Variants in RNF17 observed in about 807,000 individuals in gnomAD.
The protein encoded by RNF17 is spermatogenesis associated 23.
Under a neutral mutation model 200.5 loss-of-function variants are expected in RNF17, and 31 were observed. That is an observed-to-expected ratio of 0.15 (90% CI 0.12 to 0.21). The LOEUF (loss-of-function observed/expected upper bound fraction) is 0.21. RNF17 is among the 10% of genes least tolerant of loss of function. The probability of loss-of-function intolerance (pLI) is 1.00; values close to 1 mark genes in which losing one functional copy is unlikely to be tolerated. For synonymous variants in RNF17, 606 were observed against 637.8 expected (o/e 0.95, Z 0.75); for missense variants, 1,628 against 1,905.1 (o/e 0.85, Z 2.71).
At chr13:24,878,889 C>T (rs1221875891) in intron 34 of RNF17, among the ~76,000 whole-genome samples, 1 of 152,132 alleles carries the variant, frequency 6.6e-6, no homozygotes, top group African/African-American at 2.4e-5. Flanking sequence ...TCAGTTTATG[C>T]ATAAAGGTAT....
At chr13:24,827,066 A>C (rs910029295) in intron 16 of RNF17, among the ~76,000 whole-genome samples, 7 of 151,918 alleles carry the variant, frequency 4.6e-5, no homozygotes, top group African/African-American at 1.7e-4. Flanking sequence ...GTTTCAAGAA[A>C]AAAAAAAGAG....
At chr13:24,837,289 T>C (rs1371935402) in intron 18 of RNF17, among the ~76,000 whole-genome samples, 3 of 152,122 alleles carry the variant, frequency 2.0e-5, no homozygotes, top group Non-Finnish European at 4.4e-5. Context: ...GGGACTTCAA[T>C]ATTCCACTGA....
Position 24,842,094 on chromosome 13 carries a change from C to A in RNF17, c.2536C>A (p.Pro846Thr). The stretch of plus-strand genomic sequence containing the variant: ...TGAGCTTTTCGATTCTCTTGGTGCT[C>A]CTGAAATGACTACTACTAGTATTAA... ...LVELFDSLGA[P>T]EMTTTSINDQ... Residue 846 changes from proline to threonine, a missense_variant, in exon 19 of 36, where the codon CCT becomes ACT. Transcript: ENST00000255324. 6.2e-7 allele frequency: 1 copy of A among 1,610,636 alleles called. No homozygotes were observed. Among genetic ancestry groups the A allele is most frequent in the Non-Finnish European group, 8.5e-7 (1 of 1,177,530 alleles).
At chr13:24,850,998 T>C (rs1010502644) in intron 23 of RNF17, among the ~76,000 whole-genome samples, 7 of 152,196 alleles carry the variant, frequency 4.6e-5, no homozygotes, top group Middle Eastern at 3.2e-3. Context: ...TCTTCCATGC[T>C]GTTTGCTTTT....
intron 15 of RNF17, among the ~76,000 whole-genome samples, chr13:24,821,166 G>A (rs1483288663): frequency 2.0e-5 from 3 of 152,028 alleles, no homozygotes; most frequent in African/African-American, 4.8e-5. Context: ...TCTTCACATG[G>A]AGTTCTCCTT....
chr13:24,828,287 T>C (rs1287325393), intron 16 of RNF17, among the ~76,000 whole-genome samples: 1 of 152,074 alleles, frequency 6.6e-6, no homozygotes, highest in Non-Finnish European at 1.5e-5. Flanking sequence ...CTAATAGAAA[T>C]GTATGTGTGA....
Position 24,870,585 on chromosome 13 carries a change from T to G in RNF17, c.4293T>G (p.Leu1431=). ...TCCCCACTTAGGTGTATATTTGCCTTGATTCTATAGAAACTTCTAACCAGT... is the reference window on the plus strand; with the variant it reads ...TCCCCACTTAGGTGTATATTTGCCTGGATTCTATAGAAACTTCTAACCAGT... The part of the protein sequence containing the change: ...VVSPNEVYIC[L]DSIETSNQSN... Residue 1431 remains leucine (L), a synonymous_variant, in exon 32 of 36, where the codon CTT becomes CTG. Coordinates refer to ENST00000255324, the MANE Select transcript of RNF17 (RefSeq NM_031277.3). 1 of 1,612,938 alleles carries G rather than the reference T, an allele frequency of 6.2e-7. No homozygotes were observed. The highest frequency in any genetic ancestry group is 8.5e-7 in the Non-Finnish European group (1 of 1,179,542).
chr13:24,852,892 A>G (rs917145410), intron 24 of RNF17, among the ~76,000 whole-genome samples: 4 of 151,020 alleles, frequency 2.6e-5, no homozygotes, highest in South Asian at 2.1e-4. Context: ...TGGCTTTTTC[A>G]TAAATGCTTT....
chr13:24,800,132 A>C (rs764699444), intron 12 of RNF17, among the ~76,000 whole-genome samples: 1 of 151,794 alleles, frequency 6.6e-6, no homozygotes, highest in Non-Finnish European at 1.5e-5. Context: ...TTCAAACTGC[A>C]TGAGTATGTG....
At chr13:24,792,672 A>G (rs1884021268) in intron 9 of RNF17, among the ~76,000 whole-genome samples, 1 of 152,224 alleles carries the variant, frequency 6.6e-6, no homozygotes, top group Non-Finnish European at 1.5e-5. Flanking sequence ...GCAGATAAAC[A>G]TGCATCATTG....
At chr13:24,799,295 G>T (rs562178450) in intron 11 of RNF17, 100 bp from the exon 12 acceptor site, 2 of 866,980 alleles carry the variant, frequency 2.3e-6, no homozygotes, top group Non-Finnish European at 3.8e-6. Context: ...TTAAATAAAC[G>T]AATTAAGACT....
At chr13:24,866,291 C>A in intron 30 of RNF17, 88 bp downstream of exon 30, 1 of 707,898 alleles carries the variant, frequency 1.4e-6, no homozygotes, top group Non-Finnish European at 2.5e-6. Flanking sequence ...TCTTTTATAA[C>A]AGTTTTATTA....
chr13:24,873,810 C>T (rs9511489), intron 32 of RNF17, among the ~76,000 whole-genome samples: 6 of 152,000 alleles, frequency 3.9e-5, no homozygotes, highest in African/African-American at 1.2e-4. Context: ...TGAGAACATG[C>T]GATATTTGTC....
rs763825263 is a variant in RNF17 at position 24,778,261 on chromosome 13, C to CA, written c.318-28dup. ...TGGGTGACAGAGAAAGATCCTGTCA[C>CA]AAAAAATAAAATAATATACTTGATA... On this transcript the variant is annotated intron_variant, in intron 3 of 35. Transcript: ENST00000255324. 1.1e-5 allele frequency: 16 copies of CA among 1,432,852 alleles called. No individual in the cohort carries two copies. In the Admixed American group the frequency reaches 2.4e-4, roughly 22 times the overall value. 88.8% of individuals were successfully genotyped at this position (1,432,852 alleles called of 1,614,324 possible).
Position 24,853,922 on chromosome 13 carries a change from G to A in RNF17, c.3388G>A (p.Asp1130Asn), listed in dbSNP as rs780922096. The A allele has an allele frequency of 1.8e-5, 29 of 1,613,726 alleles. No individual in the cohort carries two copies. The highest frequency in any genetic ancestry group is 2.2e-5 in the Non-Finnish European group (26 of 1,179,806). ...KSLEVPLEQE[D>N]SVVTNCIKTN... ...TCTGGAAGTCCCCCTGGAACAGGAA[G>A]ATTCAGTAGTTACTAACTGTATTAA... Residue 1130 changes from aspartate (D) to asparagine (N), a missense_variant, in exon 25 of 36, where the codon GAT becomes AAT. Asp to Asn is a conservative substitution (Grantham distance 23). This residue lies in a region of RNF17 where 609 missense variants were observed against 681.9 expected (regional missense o/e 0.89). Transcript: ENST00000255324.
At chr13:24,800,626 A>C (rs978397056) in intron 13 of RNF17, 92 bp downstream of exon 13, 6 of 984,466 alleles carry the variant, frequency 6.1e-6, no homozygotes, top group African/African-American at 1.6e-5. Flanking sequence ...GGCTCAGGGA[A>C]CCAGTAATCT....
intron 15 of RNF17, among the ~76,000 whole-genome samples, chr13:24,819,635 ACTT>A (rs1887801316): frequency 1.3e-5 from 2 of 152,220 alleles, no homozygotes; most frequent in Admixed American, 6.5e-5. Context: ...ACAAAAAACT[ACTT>A]CTCTGCAGCT....
Position 24,846,651 on chromosome 13 carries a change from G to C in RNF17, c.3101+1572G>C, listed in dbSNP as rs1390379506. Among the ~76,000 whole-genome samples, 6 of 152,188 alleles carry C rather than the reference G, an allele frequency of 3.9e-5. No homozygotes were observed. In the East Asian group the frequency reaches 9.7e-4, roughly 25 times the overall value. On this transcript the variant is annotated intron_variant, in intron 22 of 35. Coordinates refer to ENST00000255324, the MANE Select transcript of RNF17 (RefSeq NM_031277.3). ...GGGCCACATTGGAAGAAGAATTATTGTCTTGGGCCACACATAAAATACACT... is the reference window on the plus strand; with the variant it reads ...GGGCCACATTGGAAGAAGAATTATTCTCTTGGGCCACACATAAAATACACT...
At chr13:24,860,159 A>G (rs754816758) in intron 26 of RNF17, among the ~76,000 whole-genome samples, 6 of 151,756 alleles carry the variant, frequency 4.0e-5, no homozygotes, top group Non-Finnish European at 7.4e-5. Context: ...AAAGTGACAT[A>G]CATTCGAGTT....
Sources: allele counts gnomAD v4.1 joint callset (sites outside exome capture counted in the v4.1 genomes callset), GRCh38; gene constraint gnomAD v4.1.1; regional missense constraint gnomAD v4.1.1; transcripts MANE v1.5; gene names NCBI Gene and HGNC (gene_info 2026-07-23, HGNC 2026-07-21).